The following CNNM4 variants were observed in gnomAD, a reference collection of about 807,000 sequenced individuals.
CNNM4 encodes cyclin and CBS domain divalent metal cation transport mediator 4.
A neutral mutation model predicts 53.7 loss-of-function variants in CNNM4; 32 were observed. The observed-to-expected ratio is 0.60, with a 90% CI of 0.45 to 0.80. The LOEUF (loss-of-function observed/expected upper bound fraction) is 0.80. Among genes scored for constraint, CNNM4 ranks in the 30% least tolerant of loss-of-function variants. The pLI is 0.00. For synonymous variants in CNNM4, 410 were observed against 440.0 expected (o/e 0.93, Z 0.85); for missense variants, 784 against 1,022.0 (o/e 0.77, Z 3.17).
Position 96,808,513 on chromosome 2 carries a change from T to A in CNNM4, c.1949-48T>A, listed in dbSNP as rs1343340245. ...ATGAGGTGAGACATGAGGGTGAGAG[T>A]GGGCATCGGAGTGGCCTTTGGCATG... On this transcript the variant is annotated intron_variant, in intron 5 of 6. Coordinates refer to ENST00000377075, the MANE Select transcript of CNNM4 (RefSeq NM_020184.4). The surrounding 1 kb of genome is among the most constrained non-coding windows in gnomAD (Gnocchi z 4.9). 1 of 1,597,978 alleles carries A rather than the reference T, an allele frequency of 6.3e-7. No homozygotes were observed. The highest frequency in any genetic ancestry group is 1.3e-5 in the African/African-American group (1 of 74,412).
intron 1 of CNNM4, among the ~76,000 whole-genome samples, chr2:96,796,332 A>G (rs1457778769): frequency 6.6e-6 from 1 of 151,322 alleles, no homozygotes; most frequent in African/African-American, 2.4e-5. Flanking sequence ...TTTAGTAGAG[A>G]TGGGGTTTTA....
intron 1 of CNNM4, 55 bp from the exon 2 acceptor site, chr2:96,796,957 G>A (rs2079109413): frequency 2.5e-6 from 4 of 1,593,038 alleles, no homozygotes; most frequent in Non-Finnish European, 3.4e-6. Context: ...TTTGGTTGAG[G>A]GAGTCTCATG....
Position 96,761,230 on chromosome 2 carries a change from G to A in CNNM4, c.231G>A (p.Arg77=). 6.2e-7 allele frequency: 1 copy of A among 1,614,156 alleles called. No homozygotes were observed. The highest frequency in any genetic ancestry group is 8.5e-7 in the Non-Finnish European group (1 of 1,180,020). The change falls in exon 1 of 7, where the codon AGG becomes AGA. Residue 77 remains arginine (R), a synonymous_variant. Transcript: ENST00000377075. This position sits in a 1 kb window ranked among gnomAD's most constrained non-coding sequence, Gnocchi z 6.0. The part of the protein sequence containing the change: ...FVSEGSTVNL[R]LYGYSLGNIS... The stretch of plus-strand genomic sequence containing the variant: ...CCGAGGGCAGCACCGTGAACCTGAG[G>A]CTGTACGGCTACAGCCTGGGCAACA...
At chr2:96,787,723 T>C (rs1461365335) in intron 1 of CNNM4, among the ~76,000 whole-genome samples, 1 of 151,966 alleles carries the variant, frequency 6.6e-6, no homozygotes, top group Non-Finnish European at 1.5e-5. Context: ...TAGCTGAGCT[T>C]AGTGGCATGC....
chr2:96,803,502 A>C (rs2079176119), intron 5 of CNNM4, among the ~76,000 whole-genome samples: 1 of 152,126 alleles, frequency 6.6e-6, no homozygotes, highest in Non-Finnish European at 1.5e-5. Flanking sequence ...AGGTGCGTGG[A>C]TTGCCTGAGG....
rs1167725958 is a variant in CNNM4 at position 96,761,269 on chromosome 2, G to C, written c.270G>C (p.Leu90=). 6.2e-7 allele frequency: 1 copy of C among 1,614,110 alleles called. No individual in the cohort carries two copies. The highest frequency in any genetic ancestry group is 1.3e-5 in the African/African-American group (1 of 75,058). Residue 90 remains leucine (L), a synonymous_variant, in exon 1 of 7, where the codon CTG becomes CTC. Coordinates refer to ENST00000377075, the MANE Select transcript of CNNM4 (RefSeq NM_020184.4). The surrounding 1 kb of genome is among the most constrained non-coding windows in gnomAD (Gnocchi z 6.0). ...GCCTGGGCAACATCTCCAGCAACCT[G>C]ATCTCCTTCACCGAGGTGGACGATG... The part of the protein sequence containing the change: ...GYSLGNISSN[L]ISFTEVDDAE...
chr2:96,762,816 G>A (rs1420981201), intron 1 of CNNM4, among the ~76,000 whole-genome samples: 13 of 152,252 alleles, frequency 8.5e-5, no homozygotes, highest in Admixed American at 6.5e-4. Context: ...AATCTTAAAA[G>A]GTAGAGAGGC....
rs531936003 is a variant in CNNM4, at chr2:96,769,896, G to A, written c.1402+7495G>A. Among the ~76,000 whole-genome samples, 3 of 152,362 alleles carry A rather than the reference G, an allele frequency of 2.0e-5. No individual in the cohort carries two copies. The South Asian group carries it at 6.2e-4, about 32-fold the overall frequency. ...TGCCTGGGGGCAGGTGTATCTGAGAGTGACAGGAGCTGGTTAATACTCCGG... is the reference window on the plus strand; with the variant it reads ...TGCCTGGGGGCAGGTGTATCTGAGAATGACAGGAGCTGGTTAATACTCCGG... On this transcript the variant is annotated intron_variant, in intron 1 of 6. Coordinates refer to ENST00000377075, the MANE Select transcript of CNNM4 (RefSeq NM_020184.4).
At position 96,777,978 on chromosome 2, in the gene CNNM4, C is replaced by T. The variant is rs532464885; in HGVS notation, c.1402+15577C>T. Among the ~76,000 whole-genome samples the T allele has an allele frequency of 5.3e-5, 8 of 151,876 alleles. No homozygotes were observed. The South Asian group carries it at 1.5e-3, about 28-fold the overall frequency. Reference sequence around the variant, plus strand: ...ACTTCCTGGGCTCAAGAAATCCTCCCACCTCAGCCCGCCAAGTAGCTGGGA... The same window carrying T: ...ACTTCCTGGGCTCAAGAAATCCTCCTACCTCAGCCCGCCAAGTAGCTGGGA... On this transcript the variant is annotated intron_variant, in intron 1 of 6. Coordinates refer to ENST00000377075, the MANE Select transcript of CNNM4 (RefSeq NM_020184.4).
chr2:96,806,106 G>C (rs1015185794), intron 5 of CNNM4, among the ~76,000 whole-genome samples: 20 of 145,862 alleles, frequency 1.4e-4, no homozygotes, highest in African/African-American at 5.5e-4. Flanking sequence ...CCTCCCGGAG[G>C]GGGCGGCTGG....
At chr2:96,792,079 C>T (rs2079066745) in intron 1 of CNNM4, among the ~76,000 whole-genome samples, 1 of 151,558 alleles carries the variant, frequency 6.6e-6, no homozygotes, top group Non-Finnish European at 1.5e-5. Context: ...CATGGTGAAA[C>T]CCCATCTCTA....
chr2:96,765,577 A>G (rs1487559113), intron 1 of CNNM4, among the ~76,000 whole-genome samples: 2 of 152,168 alleles, frequency 1.3e-5, no homozygotes, highest in East Asian at 1.9e-4. Flanking sequence ...CTGCCCCACA[A>G]GTAATCCTCT....
rs796619515 is a variant in CNNM4, at chr2:96,780,419, CT to C, written c.1403-16576del. 3.0e-3 allele frequency among the ~76,000 whole-genome samples: 426 copies of C among 139,886 alleles called. 1 individual carries two copies. The highest frequency in any genetic ancestry group is 4.7e-3 in the South Asian group (21 of 4,422). 91.8% of individuals were successfully genotyped at this position (139,886 alleles called of 152,430 possible). On this transcript the variant is annotated intron_variant, in intron 1 of 6. Transcript: ENST00000377075. ...CCCCAAGACTGCCCACTTGCTCTCC[CT>C]TTTTTTTTTTTTTTTTCTTTTTTAG...
chr2:96,797,031 C>T lies in CNNM4; in HGVS notation c.1422C>T (p.Ile474=), dbSNP rs766518199. ...CCACAGGGAAGTCCCACCTGGCCAT[C>T]GTGCAGAAGGTAAACAACGAGGGTG... ...EFKKGKSHLA[I]VQKVNNEGEG... The change falls in exon 2 of 7, where the codon ATC becomes ATT. Residue 474 remains isoleucine (I), a synonymous_variant. Transcript: ENST00000377075. The surrounding 1 kb of genome is among the most constrained non-coding windows in gnomAD (Gnocchi z 6.0). 1.7e-5 allele frequency: 28 copies of T among 1,613,290 alleles called. No homozygotes were observed. The Admixed American group carries it at 1.8e-4, about 11-fold the overall frequency.
At chr2:96,802,935 G>A (rs1270678933) in intron 5 of CNNM4, among the ~76,000 whole-genome samples, 1 of 152,094 alleles carries the variant, frequency 6.6e-6, no homozygotes, top group Admixed American at 6.6e-5. Flanking sequence ...TGTGGCCTGT[G>A]CCCATCAGGA....
chr2:96,765,528 T>C (rs902524415), intron 1 of CNNM4, among the ~76,000 whole-genome samples: 4 of 152,138 alleles, frequency 2.6e-5, no homozygotes, highest in Admixed American at 2.6e-4. Context: ...CCACCCCAGG[T>C]TGGGTGAGGG....
chr2:96,773,182 T>A (rs2078894624), intron 1 of CNNM4, among the ~76,000 whole-genome samples: 1 of 152,184 alleles, frequency 6.6e-6, no homozygotes. Context: ...TAGTAAATGC[T>A]TGTACAGTGT....
chr2:96,773,571 G>A (rs1297825401), intron 1 of CNNM4, among the ~76,000 whole-genome samples: 3 of 152,002 alleles, frequency 2.0e-5, no homozygotes, highest in Non-Finnish European at 4.4e-5. Context: ...GGCAAGGCGC[G>A]GTGGCTCATG....
At chr2:96,767,124 G>A (rs1161330676) in intron 1 of CNNM4, among the ~76,000 whole-genome samples, 1 of 152,108 alleles carries the variant, frequency 6.6e-6, no homozygotes, top group East Asian at 1.9e-4. Context: ...TAGGGGCATC[G>A]ATGCAGAGGT....
Sources: gnomAD v4.1 joint callset for allele counts (sites outside exome capture counted in the v4.1 genomes callset) on GRCh38, gnomAD v4.1.1 for gene constraint, Gnocchi (gnomAD v3.1) non-coding constraint, MANE v1.5 for transcripts, NCBI Gene and HGNC (gene_info 2026-07-23, HGNC 2026-07-21) for gene names.